The following RBFOX1 variants were observed in gnomAD, a reference collection of about 807,000 sequenced individuals.
RBFOX1 encodes RNA binding fox-1 homolog 1.
A neutral mutation model predicts 57.7 loss-of-function variants in RBFOX1; 8 were observed. The ratio of observed to expected loss-of-function variants is 0.14; its 90% CI spans 0.08 to 0.25. The LOEUF (loss-of-function observed/expected upper bound fraction) is 0.25. RBFOX1 is among the 10% of genes least tolerant of loss of function. The pLI is 1.00. For missense variants in RBFOX1, 611 were observed against 548.5 expected, an observed-to-expected ratio of 1.11 and a Z score of -1.14; for synonymous variants, 326 against 222.4, an observed-to-expected ratio of 1.47 and a Z score of -4.15.
At chr16:5,906,681 C>T (rs994464586) in intron 4 of RBFOX1, among the ~76,000 whole-genome samples, 16 of 148,140 alleles carry the variant, frequency 1.1e-4, no homozygotes, top group African/African-American at 2.7e-4. Context: ...TGAGTGTTGT[C>T]GCTGACCACA....
intron 5 of RBFOX1, among the ~76,000 whole-genome samples, chr16:7,541,462 G>GTT (rs1555570953): frequency 0.044 from 6,561 of 148,072 alleles, 195 homozygotes; most frequent in East Asian, 0.12. Flanking sequence ...TTTTTATCAG[G>GTT]TTTTTTTTTT....
intron 2 of RBFOX1, among the ~76,000 whole-genome samples, chr16:5,536,100 C>CG (rs1555459290): frequency 0.11 from 1,371 of 12,976 alleles, 30 homozygotes; most frequent in African/African-American, 0.34. Context: ...ATCAAGCCCC[C>CG]CCCCCCTTTT....
chr16:7,100,575 T>G (rs1225598042), intron 4 of RBFOX1, among the ~76,000 whole-genome samples: 2 of 151,616 alleles, frequency 1.3e-5, no homozygotes, highest in East Asian at 1.9e-4. Flanking sequence ...GTTTTTTTTT[T>G]TTTTTTTTTT....
At chr16:5,257,836 A>G (rs2062627721) in intron 1 of RBFOX1, among the ~76,000 whole-genome samples, 1 of 152,066 alleles carries the variant, frequency 6.6e-6, no homozygotes, top group Non-Finnish European at 1.5e-5. Flanking sequence ...TCTCAAAAAA[A>G]TCATTTTTTT....
intron 4 of RBFOX1, among the ~76,000 whole-genome samples, chr16:7,167,989 G>A (rs940008165): frequency 1.3e-5 from 2 of 152,156 alleles, no homozygotes; most frequent in Admixed American, 1.3e-4. Flanking sequence ...ACCACACAAG[G>A]TAAGGATTTT....
At chr16:5,267,974 G>A (rs1220216744) in intron 1 of RBFOX1, among the ~76,000 whole-genome samples, 2 of 152,110 alleles carry the variant, frequency 1.3e-5, no homozygotes, top group Admixed American at 1.3e-4. Flanking sequence ...AGCTACTTGG[G>A]AAGCTGAGGC....
intron 4 of RBFOX1, among the ~76,000 whole-genome samples, chr16:7,440,419 C>T (rs1349973288): frequency 6.6e-6 from 1 of 152,054 alleles, no homozygotes; most frequent in Non-Finnish European, 1.5e-5. Flanking sequence ...AAAATCTCTC[C>T]CAAGCCTATG....
At chr16:5,302,803 T>C (rs1489124381) in intron 1 of RBFOX1, among the ~76,000 whole-genome samples, 1 of 152,250 alleles carries the variant, frequency 6.6e-6, no homozygotes, top group Non-Finnish European at 1.5e-5. Context: ...CCTTTTTTAG[T>C]TTAATCTTTA....
chr16:5,708,322 C>G (rs1480489839), intron 3 of RBFOX1, among the ~76,000 whole-genome samples: 1 of 152,074 alleles, frequency 6.6e-6, no homozygotes, highest in African/African-American at 2.4e-5. Flanking sequence ...AGATAAAGGA[C>G]AAAAAGACAT....
At chr16:6,923,288 C>A (rs1009428979) in intron 3 of RBFOX1, among the ~76,000 whole-genome samples, 1 of 152,148 alleles carries the variant, frequency 6.6e-6, no homozygotes, top group Admixed American at 6.5e-5. Flanking sequence ...AATCCCAGAA[C>A]TTTGGGATGC....
chr16:5,714,455 A>G (rs1049138175), intron 3 of RBFOX1, among the ~76,000 whole-genome samples: 87 of 152,272 alleles, frequency 5.7e-4, no homozygotes, highest in African/African-American at 2.1e-3. Flanking sequence ...CGAAGAGACC[A>G]CCCAAAAGCT....
intron 3 of RBFOX1, among the ~76,000 whole-genome samples, chr16:6,939,029 C>T (rs193251564): frequency 5.3e-5 from 8 of 152,272 alleles, no homozygotes; most frequent in Non-Finnish European, 4.4e-5. Context: ...TCTGCCTTGA[C>T]ATGTGACGAA....
chr16:6,407,540 G>GGTGT (rs71406372), intron 2 of RBFOX1, among the ~76,000 whole-genome samples: 3 of 53,902 alleles, frequency 5.6e-5, no homozygotes, highest in Admixed American at 5.2e-4. Flanking sequence ...GAAGGAGAGG[G>GGTGT]GTGTGTGTGT....
intron 11 of RBFOX1, among the ~76,000 whole-genome samples, chr16:7,652,873 T>G (rs2065381584): frequency 6.6e-6 from 1 of 152,222 alleles, no homozygotes; most frequent in African/African-American, 2.4e-5. Context: ...ACCACATACA[T>G]GTGTCAGTGG....
At chr16:7,101,304 C>T (rs1157563325) in intron 4 of RBFOX1, among the ~76,000 whole-genome samples, 2 of 152,148 alleles carry the variant, frequency 1.3e-5, no homozygotes, top group African/African-American at 4.8e-5. Flanking sequence ...ATACATGACA[C>T]ACCATTGCGC....
intron 4 of RBFOX1, among the ~76,000 whole-genome samples, chr16:7,086,721 T>TACACACACACACACACACAG (rs1555460280): frequency 0.068 from 10,137 of 149,384 alleles, 848 homozygotes; most frequent in African/African-American, 0.2. Context: ...GAAGAATGTA[T>TACACACACACACACACACAG]ACACACACAC....
At chr16:7,297,092 G>C (rs1213362214) in intron 4 of RBFOX1, among the ~76,000 whole-genome samples, 4 of 152,150 alleles carry the variant, frequency 2.6e-5, no homozygotes, top group Non-Finnish European at 5.9e-5. Flanking sequence ...GAGAGACAAG[G>C]CTCAAGGGTC....
chr16:6,181,199 T>C (rs146418484), intron 1 of RBFOX1, among the ~76,000 whole-genome samples: 221 of 152,304 alleles, frequency 1.5e-3, no homozygotes, highest in African/African-American at 4.6e-3. Context: ...CCAATAATGC[T>C]GCTGGATATG....
Position 5,575,090 on chromosome 16 carries a change from T to C in RBFOX1, c.259-23812T>C, listed in dbSNP as rs576408689. Among the ~76,000 whole-genome samples, 16 of 152,272 alleles carry C rather than the reference T, an allele frequency of 1.1e-4. No homozygotes were observed. In the South Asian group the frequency reaches 1.9e-3, roughly 18 times the overall value. On this transcript the variant is annotated intron_variant, in intron 2 of 2. Transcript: ENST00000585867. ...ACAGCATCTCCTGAAGGATTTCCCA[T>C]TGGGATTATTTTATTACCTTGGAAG...
Sources: allele counts gnomAD v4.1 joint callset (sites outside exome capture counted in the v4.1 genomes callset), GRCh38; gene constraint gnomAD v4.1.1; transcripts MANE v1.5; gene names NCBI Gene and HGNC (gene_info 2026-07-23, HGNC 2026-07-21).